ANKS1B: variants seen among roughly 807,000 people sequenced by gnomAD.
The protein encoded by ANKS1B is ankyrin repeat and sterile alpha motif domain containing 1B, also known as ankyrin repeat and sterile alpha motif domain-containing protein 1B.
A neutral mutation model predicts 148.3 loss-of-function variants in ANKS1B; 36 were observed. The observed-to-expected ratio is 0.24, with a 90% CI of 0.19 to 0.32. The LOEUF is 0.32. ANKS1B is among the 10% of genes least tolerant of loss of function. ANKS1B has a pLI of 1.00. For synonymous variants in ANKS1B, 542 were observed against 560.8 expected (o/e 0.97, Z 0.47); for missense variants, 1,157 against 1,542.6 (o/e 0.75, Z 4.19).
chr12:99,030,545 AC>A (rs1396520011), intron 17 of ANKS1B, among the ~76,000 whole-genome samples: 1 of 150,956 alleles, frequency 6.6e-6, no homozygotes, highest in Non-Finnish European at 1.5e-5. Context: ...GCAGTACGGT[AC>A]CTCCTCCTGT....
At chr12:99,870,303 A>C (rs1016747319) in intron 1 of ANKS1B, among the ~76,000 whole-genome samples, 1 of 152,156 alleles carries the variant, frequency 6.6e-6, no homozygotes, top group East Asian at 1.9e-4. Flanking sequence ...ATAGTATTCC[A>C]CTGTATATAC....
chr12:99,710,045 T>C (rs2056414452), intron 8 of ANKS1B, among the ~76,000 whole-genome samples: 1 of 152,016 alleles, frequency 6.6e-6, no homozygotes, highest in Admixed American at 6.6e-5. Flanking sequence ...ATAATGGGGC[T>C]CATTCATTTT....
chr12:99,073,123 T>G (rs777923179), intron 16 of ANKS1B, among the ~76,000 whole-genome samples: 3 of 152,230 alleles, frequency 2.0e-5, no homozygotes, highest in African/African-American at 4.8e-5. Flanking sequence ...AACTCCATTT[T>G]ATGTGCTTTA....
chr12:99,286,931 C>A (rs1401051527), intron 12 of ANKS1B, among the ~76,000 whole-genome samples: 1 of 152,174 alleles, frequency 6.6e-6, no homozygotes, highest in Non-Finnish European at 1.5e-5. Flanking sequence ...TAGACCTGGG[C>A]TCCTAAATGG....
At chr12:99,445,381 G>A (rs777738148) in intron 10 of ANKS1B, among the ~76,000 whole-genome samples, 11 of 151,988 alleles carry the variant, frequency 7.2e-5, no homozygotes, top group Non-Finnish European at 1.2e-4. Flanking sequence ...GTTAAGCACT[G>A]AGGATTTTCA....
intron 12 of ANKS1B, among the ~76,000 whole-genome samples, chr12:99,314,224 CT>C (rs2083638331): frequency 2.0e-5 from 3 of 151,986 alleles, no homozygotes; most frequent in African/African-American, 7.3e-5. Context: ...TGTGAAGGAC[CT>C]CTTCAAGGAG....
intron 8 of ANKS1B, among the ~76,000 whole-genome samples, chr12:99,767,422 A>C (rs1049360050): frequency 3.2e-4 from 49 of 151,986 alleles, no homozygotes; most frequent in African/African-American, 1.1e-3. Context: ...AAAACAAAAA[A>C]ACTTTTCCTG....
intron 11 of ANKS1B, among the ~76,000 whole-genome samples, chr12:99,415,733 G>C (rs535204891): frequency 2.0e-5 from 3 of 152,156 alleles, no homozygotes; most frequent in African/African-American, 4.8e-5. Flanking sequence ...GCCCAGGCTG[G>C]AGTGTAGTGG....
chr12:99,781,999 C>T (rs1312343149), intron 5 of ANKS1B, 23 bp downstream of exon 5: 1 of 1,569,824 alleles, frequency 6.4e-7, no homozygotes, highest in African/African-American at 1.4e-5. Flanking sequence ...AGGATAAGCT[C>T]CATGCAGAAT....
At chr12:99,684,135 A>C (rs2098636633) in intron 8 of ANKS1B, among the ~76,000 whole-genome samples, 1 of 152,100 alleles carries the variant, frequency 6.6e-6, no homozygotes, top group Admixed American at 6.6e-5. Context: ...CACAGAAATA[A>C]AGGGTATCCA....
At position 98,744,656 on chromosome 12, in the gene ANKS1B, G is replaced by C. The variant is rs2097843832; in HGVS notation, c.*1083C>G. 7.7e-6 allele frequency: 7 copies of C among 912,770 alleles called. No individual in the cohort carries two copies. Among genetic ancestry groups the C allele is most frequent in the African/African-American group, 1.8e-5 (1 of 54,702 alleles). The allele number at this position is 912,770 out of a possible 1,614,324, so 56.5% of individuals were successfully genotyped here. A position where few individuals can be genotyped will look rare whatever the true frequency, so the allele number is the denominator to read the frequency against. On this transcript the variant is annotated 3_prime_UTR_variant, in exon 27 of 27. Coordinates refer to ENST00000683438, the MANE Select transcript of ANKS1B (RefSeq NM_001352186.2). ...TTTTTTTTTGTTTGTCTCAAGAAAA[G>C]TTTTATTACTTTGGAATTTCTTCTT...
chr12:99,801,331 GTGAACTAA>G (rs2066926332), intron 4 of ANKS1B, among the ~76,000 whole-genome samples: 2 of 152,126 alleles, frequency 1.3e-5, no homozygotes, highest in African/African-American at 4.8e-5. Context: ...GAAGTCACCA[GTGAACTAA>G]ATGAAAACCA....
Position 99,894,508 on chromosome 12 carries a change from C to CAA in ANKS1B, c.135-69121_135-69120dup, listed in dbSNP as rs777618998. 9.9e-3 allele frequency among the ~76,000 whole-genome samples: 629 copies of CAA among 63,814 alleles called. 21 individuals carry two copies. The highest frequency in any genetic ancestry group is 0.023 in the African/African-American group (405 of 17,402). 41.9% of individuals were successfully genotyped at this position (63,814 alleles called of 152,430 possible). On this transcript the variant is annotated intron_variant, in intron 1 of 26. Transcript: ENST00000683438. ...TGAGCAACAGAGCGGGACCCTGTCTCAAAAAAAAAAAAAAAAAAAAAACAA... is the reference window on the plus strand; with the variant it reads ...TGAGCAACAGAGCGGGACCCTGTCTCAAAAAAAAAAAAAAAAAAAAAAAACAA...
At chr12:99,488,793 C>T (rs2096527449) in intron 10 of ANKS1B, among the ~76,000 whole-genome samples, 1 of 152,152 alleles carries the variant, frequency 6.6e-6, no homozygotes, top group African/African-American at 2.4e-5. Flanking sequence ...CTTTGCTTTT[C>T]AGCACAAGTA....
At chr12:99,542,353 A>G (rs2097134155) in intron 9 of ANKS1B, among the ~76,000 whole-genome samples, 1 of 151,524 alleles carries the variant, frequency 6.6e-6, no homozygotes, top group East Asian at 1.9e-4. Context: ...TTCACAAAAA[A>G]AATCTAAGAT....
intron 17 of ANKS1B, among the ~76,000 whole-genome samples, chr12:98,946,351 C>T (rs1027662193): frequency 9.2e-5 from 14 of 152,164 alleles, no homozygotes; most frequent in African/African-American, 3.1e-4. Context: ...GGAATATATG[C>T]ATTATTCTTT....
chr12:99,453,371 C>T (rs1246867014), intron 10 of ANKS1B, among the ~76,000 whole-genome samples: 3 of 152,110 alleles, frequency 2.0e-5, no homozygotes, highest in Non-Finnish European at 2.9e-5. Context: ...ACTGTGGCTT[C>T]CGTCTTGTGT....
intron 24 of ANKS1B, among the ~76,000 whole-genome samples, chr12:98,775,314 G>A (rs2098659741): frequency 6.6e-6 from 1 of 152,160 alleles, no homozygotes; most frequent in Admixed American, 6.6e-5. Flanking sequence ...TGCCACTCTT[G>A]ACAATTTCCA....
intron 9 of ANKS1B, among the ~76,000 whole-genome samples, chr12:99,505,315 C>T (rs2153008887): frequency 6.6e-6 from 1 of 152,148 alleles, no homozygotes; most frequent in Admixed American, 6.6e-5. Context: ...AGTCTTCTTA[C>T]ATAAATAATA....
Sources: gnomAD v4.1 joint callset for allele counts (sites outside exome capture counted in the v4.1 genomes callset) on GRCh38, gnomAD v4.1.1 for gene constraint, MANE v1.5 for transcripts, NCBI Gene and HGNC (gene_info 2026-07-23, HGNC 2026-07-21) for gene names.